Variants in PIK3C2G observed in about 807,000 individuals in gnomAD.
PIK3C2G encodes phosphatidylinositol 3-kinase C2 domain-containing subunit gamma.
Under a neutral mutation model 181.1 loss-of-function variants are expected in PIK3C2G, and 168 were observed. The observed-to-expected ratio is 0.93, with a 90% confidence interval of 0.82 to 1.05. PIK3C2G has a LOEUF of 1.05. Ranked by LOEUF, PIK3C2G falls within the 50% of genes least tolerant of loss-of-function variation. The probability of loss-of-function intolerance (pLI) is 0.00; values close to 1 mark genes in which losing one functional copy is unlikely to be tolerated. For synonymous variants in PIK3C2G, 573 were observed against 592.2 expected (o/e 0.97, Z 0.47); for missense variants, 1,869 against 1,732.8 (o/e 1.08, Z -1.40).
chr12:18,431,090 G>A (rs995931065), intron 18 of PIK3C2G, among the ~76,000 whole-genome samples: 6 of 152,000 alleles, frequency 3.9e-5, no homozygotes, highest in South Asian at 2.1e-4. Flanking sequence ...TCTCTCACCC[G>A]CCTCTCCACA....
At chr12:18,720,827 A>G in the PIK3C2G span, among the ~76,000 whole-genome samples, 1 of 152,086 alleles carries the variant, frequency 6.6e-6, no homozygotes, top group Non-Finnish European at 1.5e-5. Context: ...TAAACAAATT[A>G]AAGCTCAAAA....
intron 3 of PIK3C2G, among the ~76,000 whole-genome samples, chr12:18,289,726 T>C (rs1949606347): frequency 6.6e-6 from 1 of 152,206 alleles, no homozygotes; most frequent in African/African-American, 2.4e-5. Flanking sequence ...TGGGTGAATG[T>C]GTATTTACTT....
chr12:18,552,306 A>G (rs1944775456), intron 26 of PIK3C2G, among the ~76,000 whole-genome samples: 3 of 152,174 alleles, frequency 2.0e-5, no homozygotes, highest in Non-Finnish European at 1.5e-5. Flanking sequence ...GTCTTAAAAC[A>G]TAGTTCAATG....
intron 5 of PIK3C2G, among the ~76,000 whole-genome samples, chr12:18,303,626 C>A (rs549090580): frequency 1.1e-4 from 16 of 152,226 alleles, no homozygotes; most frequent in African/African-American, 3.6e-4. Context: ...CCACACCCAG[C>A]CTAAGTAATT....
At chr12:18,263,274 C>T (rs1948328756) in intron 1 of PIK3C2G, among the ~76,000 whole-genome samples, 1 of 151,852 alleles carries the variant, frequency 6.6e-6, no homozygotes, top group African/African-American at 2.4e-5. Context: ...CTTATTTTTA[C>T]TGATTTTGAC....
chr12:18,434,831 C>A (rs968851117), intron 18 of PIK3C2G, among the ~76,000 whole-genome samples: 1 of 152,042 alleles, frequency 6.6e-6, no homozygotes, highest in African/African-American at 2.4e-5. Flanking sequence ...TTTTCAAAAA[C>A]CAAAATTAGT....
At chr12:18,695,611 T>C in the PIK3C2G span, among the ~76,000 whole-genome samples, 45,645 of 151,614 alleles carry the variant, frequency 0.3, 7,684 homozygotes, top group East Asian at 0.47. Flanking sequence ...TCCCCCCTCC[T>C]CACACCTACA....
chr12:18,611,005 A>G (rs1190761227), intron 31 of PIK3C2G, among the ~76,000 whole-genome samples: 1 of 152,010 alleles, frequency 6.6e-6, no homozygotes, highest in Non-Finnish European at 1.5e-5. Context: ...CTCAATGGTC[A>G]CTCCTAGTTT....
the PIK3C2G span, among the ~76,000 whole-genome samples, chr12:18,704,569 C>A: frequency 1.3e-5 from 2 of 151,974 alleles, no homozygotes; most frequent in Non-Finnish European, 2.9e-5. Flanking sequence ...TCAGGGGATC[C>A]GCCCTCCTCA....
intron 18 of PIK3C2G, among the ~76,000 whole-genome samples, chr12:18,441,606 C>G (rs374613993): frequency 6.6e-6 from 1 of 151,938 alleles, no homozygotes; most frequent in East Asian, 1.9e-4. Flanking sequence ...CTGGAACAGG[C>G]GGGTGGGTGC....
intron 1 of PIK3C2G, among the ~76,000 whole-genome samples, chr12:18,271,219 T>C (rs1225705373): frequency 6.6e-6 from 1 of 152,046 alleles, no homozygotes; most frequent in African/African-American, 2.4e-5. Flanking sequence ...TACTGCCCCA[T>C]GTCTCTTCTA....
intron 31 of PIK3C2G, among the ~76,000 whole-genome samples, chr12:18,630,559 A>G (rs1004238990): frequency 1.3e-5 from 2 of 150,528 alleles, no homozygotes; most frequent in African/African-American, 5.0e-5. Flanking sequence ...TAACCAATGG[A>G]GCAAAGCCCC....
At chr12:18,690,136 T>C in the PIK3C2G span, among the ~76,000 whole-genome samples, 1 of 152,210 alleles carries the variant, frequency 6.6e-6, no homozygotes, top group Non-Finnish European at 1.5e-5. Flanking sequence ...AATGTATTTG[T>C]TCAATGAACC....
chr12:18,299,788 G>A (rs1424440635), intron 5 of PIK3C2G, among the ~76,000 whole-genome samples: 2 of 151,940 alleles, frequency 1.3e-5, no homozygotes, highest in South Asian at 2.1e-4. Context: ...CTATTGAGAT[G>A]AGCATTTGGT....
intron 20 of PIK3C2G, among the ~76,000 whole-genome samples, chr12:18,494,539 C>T (rs1056299098): frequency 1.3e-5 from 2 of 151,918 alleles, no homozygotes; most frequent in South Asian, 2.1e-4. Flanking sequence ...CAAATATATA[C>T]CGCACATGAA....
At chr12:18,659,292 C>T in the PIK3C2G span, among the ~76,000 whole-genome samples, 2 of 152,060 alleles carry the variant, frequency 1.3e-5, no homozygotes, top group Admixed American at 6.6e-5. Flanking sequence ...TCACTAGTCC[C>T]GTACAATAGA....
rs1592640226 is a variant in PIK3C2G, at chr12:18,582,270, G to C, written c.4012-12224G>C. Reference sequence around the variant, plus strand: ...CAGAGAATGGAGAAAAGCAACAACTGCCCACTCAGAAGTAACACAGAAACA... The same window carrying C: ...CAGAGAATGGAGAAAAGCAACAACTCCCCACTCAGAAGTAACACAGAAACA... On this transcript the variant is annotated intron_variant, in intron 29 of 32. Transcript: ENST00000538779. Among the ~76,000 whole-genome samples, 5 of 152,168 alleles carry C rather than the reference G, an allele frequency of 3.3e-5. No homozygotes were observed. In the South Asian group the frequency reaches 1.0e-3, roughly 32 times the overall value.
intron 8 of PIK3C2G, among the ~76,000 whole-genome samples, chr12:18,335,463 G>C (rs1448939026): frequency 2.0e-5 from 3 of 152,108 alleles, no homozygotes; most frequent in Non-Finnish European, 4.4e-5. Flanking sequence ...TGGGGAGTGT[G>C]TGTGTGTGTG....
intron 20 of PIK3C2G, 125 bp from the exon 21 acceptor site, chr12:18,495,937 T>C: frequency 2.0e-6 from 1 of 507,656 alleles, no homozygotes; most frequent in South Asian, 3.5e-5. Context: ...ATTATTCATA[T>C]GTGTTACATT....
Sources: allele counts gnomAD v4.1 joint callset (sites outside exome capture counted in the v4.1 genomes callset), GRCh38; gene constraint gnomAD v4.1.1; transcripts MANE v1.5; gene names NCBI Gene and HGNC (gene_info 2026-07-23, HGNC 2026-07-21).